Variants in ZNF573 observed in about 807,000 individuals in gnomAD.
ZNF573 encodes the protein zinc finger protein 573.
ZNF573 carries 41 observed loss-of-function variants against 57.4 expected under a neutral mutation model. That is an observed-to-expected ratio of 0.71 (90% CI 0.56 to 0.93). ZNF573 has a LOEUF of 0.93. Ranked by LOEUF, ZNF573 falls within the 40% of genes least tolerant of loss-of-function variation. The pLI is 0.00. For synonymous variants in ZNF573, 249 were observed against 261.0 expected (o/e 0.95, Z 0.44); for missense variants, 730 against 794.8 (o/e 0.92, Z 0.98).
intron 4 of ZNF573, among the ~76,000 whole-genome samples, chr19:37,748,323 G>A (rs2045401026): frequency 6.6e-6 from 1 of 152,070 alleles, no homozygotes; most frequent in African/African-American, 2.4e-5. Flanking sequence ...GATGTATACA[G>A]GAAATCTCTG....
At position 37,773,707 on chromosome 19, in the gene ZNF573, T is replaced by G; in HGVS notation, c.23A>C (p.His8Pro). MFPVLEP[H>P]QVGLIRSYNS... ...GTAAGACCTGATCAGTCCTACTTGG[T>G]GGGGTTCCAATACTGGAAACATTCA... The change falls in exon 2 of 5, where the codon CAC becomes CCC. Residue 8 changes from histidine to proline, a missense_variant. Coordinates refer to ENST00000536220, the MANE Select transcript of ZNF573 (RefSeq NM_001172690.2). 1 of 1,535,862 alleles carries G rather than the reference T, an allele frequency of 6.5e-7. No homozygotes were observed. Among genetic ancestry groups the G allele is most frequent in the Non-Finnish European group, 8.7e-7 (1 of 1,146,762 alleles).
At position 37,738,824 on chromosome 19, in the gene ZNF573, A is replaced by G. The variant is rs773945681; in HGVS notation, c.1666T>C (p.Cys556Arg). The change falls in exon 5 of 5, where the codon TGT becomes CGT. Residue 556 changes from cysteine to arginine, a missense_variant. By Grantham distance (180) the Cys-to-Arg change is radical. Coordinates refer to ENST00000536220, the MANE Select transcript of ZNF573 (RefSeq NM_001172690.2). Reference sequence around the variant, plus strand: ...CTAAAGGTCTTCCCACATTCCTTACATTCAAAAGGTTTCTCATCAGTATGA... The same window carrying G: ...CTAAAGGTCTTCCCACATTCCTTACGTTCAAAAGGTTTCTCATCAGTATGA... ...SIHTDEKPFE[C>R]KECGKTFRRS... The G allele has an allele frequency of 5.0e-6, 8 of 1,613,622 alleles. No individual in the cohort carries two copies. Among genetic ancestry groups the G allele is most frequent in the Non-Finnish European group, 6.8e-6 (8 of 1,179,934 alleles).
In ZNF573 at chr19:37,739,276, T is replaced by C; in HGVS notation, c.1214A>G (p.Gln405Arg). ...YTTGSKLFQH[Q>R]KTHTGEKPYE... ...GGGTTTCTCGCCAGTATGAGTTTTCTGATGTTGAAAGAGTTTTGAACCAGT... is the reference window on the plus strand; with the variant it reads ...GGGTTTCTCGCCAGTATGAGTTTTCCGATGTTGAAAGAGTTTTGAACCAGT... Residue 405 changes from glutamine to arginine, a missense_variant, in exon 5 of 5, where the codon CAG becomes CGG. Physicochemically the swap from Gln to Arg is conservative, Grantham distance 43 (BLOSUM62 1). Coordinates refer to ENST00000536220, the MANE Select transcript of ZNF573 (RefSeq NM_001172690.2). The C allele has an allele frequency of 6.2e-7, 1 of 1,614,048 alleles. No homozygotes were observed. The highest frequency in any genetic ancestry group is 8.5e-7 in the Non-Finnish European group (1 of 1,180,002).
chr19:37,739,381 T>C lies in ZNF573; in HGVS notation c.1109A>G (p.Tyr370Cys), dbSNP rs111427972. The change falls in exon 5 of 5, where the codon TAT becomes TGT. Residue 370 changes from tyrosine (Y) to cysteine (C), a missense_variant. Transcript: ENST00000536220. ...ATTCTGATGCCGAGTAAGATTTCTA[T>C]ACAAAGTAAAGGTTTTCTTACACTC... ...CKECKKTFTLYRNLTRHQNIH... is the reference protein window; with the variant it reads ...CKECKKTFTLCRNLTRHQNIH... 2,339 of 1,614,006 alleles carry C rather than the reference T, an allele frequency of 1.4e-3. 26 individuals are homozygous for C. The African/African-American group carries it at 0.026, about 18-fold the overall frequency.
intron 4 of ZNF573, among the ~76,000 whole-genome samples, chr19:37,742,917 A>T (rs745932935): frequency 1.3e-5 from 2 of 152,148 alleles, no homozygotes; most frequent in Non-Finnish European, 2.9e-5. Flanking sequence ...AAACCTACCC[A>T]TCTGACAAAG....
At chr19:37,758,052 G>A (rs1301810077) in intron 4 of ZNF573, among the ~76,000 whole-genome samples, 1 of 150,306 alleles carries the variant, frequency 6.7e-6, no homozygotes, top group Non-Finnish European at 1.5e-5. Flanking sequence ...GCCTGTTGTG[G>A]GGTGGGGGTA....
At chr19:37,743,908 T>G (rs1014457215) in intron 4 of ZNF573, among the ~76,000 whole-genome samples, 1 of 152,118 alleles carries the variant, frequency 6.6e-6, no homozygotes, top group Non-Finnish European at 1.5e-5. Context: ...AAATACCACA[T>G]GTTCTCACTC....
At chr19:37,767,491 C>T (rs567733181) in intron 4 of ZNF573, among the ~76,000 whole-genome samples, 33 of 152,248 alleles carry the variant, frequency 2.2e-4, no homozygotes, top group African/African-American at 7.5e-4. Context: ...CCTCGGCCTC[C>T]CAAAGTGCTG....
chr19:37,750,644 A>G (rs1250103575), intron 4 of ZNF573, among the ~76,000 whole-genome samples: 2 of 152,040 alleles, frequency 1.3e-5, no homozygotes, highest in African/African-American at 4.8e-5. Flanking sequence ...GCAATTGTAT[A>G]AAAAAGCAAA....
chr19:37,764,794 G>A (rs1027914813), intron 4 of ZNF573, among the ~76,000 whole-genome samples: 6 of 151,548 alleles, frequency 4.0e-5, no homozygotes, highest in African/African-American at 7.3e-5. Flanking sequence ...TTGTAGAGAC[G>A]GGGTTTCACT....
intron 4 of ZNF573, among the ~76,000 whole-genome samples, chr19:37,763,522 T>C (rs2045572059): frequency 6.6e-6 from 1 of 150,844 alleles, no homozygotes; most frequent in African/African-American, 2.4e-5. Context: ...CCAAGATCCA[T>C]CACTGTACTC....
chr19:37,740,036 G>A lies in ZNF573; in HGVS notation c.454C>T (p.His152Tyr), dbSNP rs1184500094. The change falls in exon 5 of 5, where the codon CAT (histidine) becomes TAT (tyrosine). Residue 152 changes from histidine to tyrosine, a missense_variant. By Grantham distance (83) the His-to-Tyr change is moderately conservative (BLOSUM62 2). Transcript: ENST00000536220. ...KFSSGYQLIL[H>Y]HRFHVIERPY... ...CTCTCAATGACATGAAACCTGTGAT[G>A]TAGAATAAGTTGATAACCACTACTA... The A allele has an allele frequency of 2.5e-6, 4 of 1,614,102 alleles. No homozygotes were observed. The highest frequency in any genetic ancestry group is 3.3e-5 in the Admixed American group (2 of 60,016).
At chr19:37,749,000 T>A (rs1269121582) in intron 4 of ZNF573, among the ~76,000 whole-genome samples, 1 of 151,656 alleles carries the variant, frequency 6.6e-6, no homozygotes, top group Non-Finnish European at 1.5e-5. Context: ...TGGAAACATT[T>A]TATAAATGAC....
At chr19:37,759,237 T>G in intron 4 of ZNF573, 1 of 554,780 alleles carries the variant, frequency 1.8e-6, no homozygotes, top group Non-Finnish European at 2.3e-6. Flanking sequence ...TCTTAATCTC[T>G]GACAAGAACA....
chr19:37,755,786 A>AT (rs1305002286), intron 4 of ZNF573, among the ~76,000 whole-genome samples: 7 of 151,354 alleles, frequency 4.6e-5, no homozygotes, highest in Non-Finnish European at 1.0e-4. Context: ...AGCAAAAATG[A>AT]TTTACTGTAT....
At chr19:37,772,187 G>A (rs2145332871) in intron 2 of ZNF573, among the ~76,000 whole-genome samples, 1 of 152,180 alleles carries the variant, frequency 6.6e-6, no homozygotes, top group Admixed American at 6.6e-5. Flanking sequence ...AGGCTGGAGT[G>A]CAGTGACTCA....
At chr19:37,747,607 C>G (rs1460509804) in intron 4 of ZNF573, among the ~76,000 whole-genome samples, 1 of 152,056 alleles carries the variant, frequency 6.6e-6, no homozygotes, top group South Asian at 2.1e-4. Flanking sequence ...AGAAACCTGG[C>G]AGACACTACT....
At chr19:37,771,947 T>G (rs1212870417) in intron 2 of ZNF573, among the ~76,000 whole-genome samples, 2 of 152,154 alleles carry the variant, frequency 1.3e-5, no homozygotes. Context: ...ACCACAATAA[T>G]TCAGACCTGC....
intron 4 of ZNF573, among the ~76,000 whole-genome samples, chr19:37,744,887 T>C (rs2045365610): frequency 6.6e-6 from 1 of 151,840 alleles, no homozygotes; most frequent in Admixed American, 6.6e-5. Flanking sequence ...GTTCATGCCA[T>C]TCTCCTGCCT....
Sources: gnomAD v4.1 joint callset for allele counts (sites outside exome capture counted in the v4.1 genomes callset) on GRCh38, gnomAD v4.1.1 for gene constraint, MANE v1.5 for transcripts, NCBI Gene and HGNC (gene_info 2026-07-23, HGNC 2026-07-21) for gene names.